Variants in ZSCAN30 observed in about 807,000 individuals in gnomAD.
ZSCAN30 encodes the protein zinc finger and SCAN domain containing 30.
In ZSCAN30, 37 loss-of-function variants were observed where a neutral mutation model predicts 44.3. That is an observed-to-expected ratio of 0.84 (90% CI 0.64 to 1.10). The LOEUF is 1.10. ZSCAN30 is among the 50% of genes least tolerant of loss of function. The probability of loss-of-function intolerance (pLI) is 0.00; values close to 1 mark genes in which losing one functional copy is unlikely to be tolerated. For missense variants in ZSCAN30, 549 were observed against 582.6 expected, an observed-to-expected ratio of 0.94 and a Z score of 0.59; for synonymous variants, 181 against 204.6, an observed-to-expected ratio of 0.88 and a Z score of 0.98.
rs1023821206 is a variant in ZSCAN30 at position 35,252,171 on chromosome 18, T to C, written c.*1279A>G. On this transcript the variant is annotated 3_prime_UTR_variant, in exon 4 of 4. Coordinates refer to ENST00000333206, the MANE Select transcript of ZSCAN30 (RefSeq NM_001112734.4). ...CCTCTTCCTACTTATAATCACTGAG[T>C]TGGGGAGCCTATTCTAGACCCAGAA... 2.0e-5 allele frequency: 3 copies of C among 152,144 alleles called. No homozygotes were observed. Among genetic ancestry groups the C allele is most frequent in the African/African-American group, 4.8e-5 (2 of 41,414 alleles). 9.4% of individuals were successfully genotyped at this position (152,144 alleles called of 1,614,324 possible).
In ZSCAN30 at chr18:35,280,517, C is replaced by A. The variant is rs529924133; in HGVS notation, c.-104+9567G>T. 2.0e-5 allele frequency among the ~76,000 whole-genome samples: 3 copies of A among 152,208 alleles called. No homozygotes were observed. The South Asian group carries it at 6.2e-4, about 31-fold the overall frequency. ...ACTGATAAAAAACAAAGGGAATTAT[C>A]TGACCTGAACTCAACTTTAAAGATC... On this transcript the variant is annotated intron_variant, in intron 1 of 3. Transcript: ENST00000333206.
intron 1 of ZSCAN30, among the ~76,000 whole-genome samples, chr18:35,279,054 A>C (rs1425699988): frequency 6.6e-6 from 1 of 152,148 alleles, no homozygotes; most frequent in African/African-American, 2.4e-5. Context: ...CTATTTCTAC[A>C]GTCTCTTCAA....
intron 1 of ZSCAN30, among the ~76,000 whole-genome samples, chr18:35,277,071 C>G (rs1189031226): frequency 6.6e-6 from 1 of 152,206 alleles, no homozygotes; most frequent in African/African-American, 2.4e-5. Flanking sequence ...GATTTGACTG[C>G]TCCAATGGAT....
At position 35,251,825 on chromosome 18, in the gene ZSCAN30, A is replaced by G. The variant is rs2043608117; in HGVS notation, c.*1625T>C. On this transcript the variant is annotated 3_prime_UTR_variant, in exon 4 of 4. Transcript: ENST00000333206. The stretch of plus-strand genomic sequence containing the variant: ...TTTTTTTTTTAATAAATTACCCAGT[A>G]TCAGGTAGTATCTTCATAGCACTGT... 6.6e-6 allele frequency: 1 copy of G among 151,852 alleles called. No individual in the cohort carries two copies. The highest frequency in any genetic ancestry group is 1.5e-5 in the Non-Finnish European group (1 of 68,006). 9.4% of individuals were successfully genotyped at this position (151,852 alleles called of 1,614,324 possible). A position where few individuals can be genotyped will look rare whatever the true frequency, so the allele number is the denominator to read the frequency against.
chr18:35,253,141 C>A lies in ZSCAN30; in HGVS notation c.*309G>T, dbSNP rs1263315905. On this transcript the variant is annotated 3_prime_UTR_variant, in exon 4 of 4. Coordinates refer to ENST00000333206, the MANE Select transcript of ZSCAN30 (RefSeq NM_001112734.4). ...ATCCTGGCATTACTGTGAAGGTGCC[C>A]AATGGAAATTATATCTGAGTTGGCA... is the stretch of plus-strand genomic sequence containing the variant. 1.8e-5 allele frequency: 4 copies of A among 223,642 alleles called. No individual in the cohort carries two copies. Among genetic ancestry groups the A allele is most frequent in the African/African-American group, 9.1e-5 (4 of 43,968 alleles). The allele number at this position is 223,642 out of a possible 1,614,324, so 13.9% of individuals were successfully genotyped here. A position where few individuals can be genotyped will look rare whatever the true frequency, so the allele number is the denominator to read the frequency against.
intron 1 of ZSCAN30, chr18:35,281,940 G>T (rs995392851): frequency 6.6e-6 from 1 of 151,342 alleles, no homozygotes; most frequent in Admixed American, 6.6e-5. Context: ...GTAAAATACT[G>T]TGAGTACCAC....
intron 1 of ZSCAN30, among the ~76,000 whole-genome samples, chr18:35,287,443 G>C (rs2044570903): frequency 1.3e-5 from 2 of 151,818 alleles, no homozygotes; most frequent in African/African-American, 4.8e-5. Context: ...GGACTAAAGA[G>C]ACAAGTAGAT....
chr18:35,271,629 T>G (rs2044277707), intron 1 of ZSCAN30, among the ~76,000 whole-genome samples: 1 of 152,264 alleles, frequency 6.6e-6, no homozygotes, highest in Non-Finnish European at 1.5e-5. Context: ...CGTAGCTGCC[T>G]GCCAGTCCTG....
At chr18:35,256,311 A>T (rs1208413447) in intron 3 of ZSCAN30, 1 of 152,288 alleles carries the variant, frequency 6.6e-6, no homozygotes, top group Non-Finnish European at 1.5e-5. Flanking sequence ...TAATCCCAGC[A>T]CTTTTGGAGG....
At position 35,252,003 on chromosome 18, in the gene ZSCAN30, A is replaced by G. The variant is rs2043615078; in HGVS notation, c.*1447T>C. 6.6e-6 allele frequency: 1 copy of G among 152,142 alleles called. No individual in the cohort carries two copies. The highest frequency in any genetic ancestry group is 1.5e-5 in the Non-Finnish European group (1 of 68,026). 9.4% of individuals were successfully genotyped at this position (152,142 alleles called of 1,614,324 possible). On this transcript the variant is annotated 3_prime_UTR_variant, in exon 4 of 4. Transcript: ENST00000333206. Reference sequence around the variant, plus strand: ...AAACTGCCAAAATAAAAATTAGCAGAGAGAGTTACAGGCAGAGGTTATAGC... The same window carrying G: ...AAACTGCCAAAATAAAAATTAGCAGGGAGAGTTACAGGCAGAGGTTATAGC...
chr18:35,274,278 C>G (rs2044333964), intron 1 of ZSCAN30, among the ~76,000 whole-genome samples: 1 of 152,040 alleles, frequency 6.6e-6, no homozygotes, highest in African/African-American at 2.4e-5. Flanking sequence ...ACCTCGTGAT[C>G]TGCCCGCCTC....
In ZSCAN30 at chr18:35,263,788, A is replaced by G. The variant is rs2044086724; in HGVS notation, c.409-131T>C. 13 of 1,385,200 alleles carry G rather than the reference A, an allele frequency of 9.4e-6. No homozygotes were observed. In the South Asian group the frequency reaches 1.8e-4, roughly 19 times the overall value. 85.8% of individuals were successfully genotyped at this position (1,385,200 alleles called of 1,614,324 possible). A position where few individuals can be genotyped will look rare whatever the true frequency, so the allele number is the denominator to read the frequency against. ...TAGAGAGAAAAAAAACAGGACCTTA[A>G]GAGCCCTAGTGACTTGAACCCAATG... On this transcript the variant is annotated intron_variant, in intron 2 of 3. Coordinates refer to ENST00000333206, the MANE Select transcript of ZSCAN30 (RefSeq NM_001112734.4).
rs139074390 is a variant in ZSCAN30, at chr18:35,274,041, G to A, written c.-103-9586C>T. On this transcript the variant is annotated intron_variant, in intron 1 of 3. Coordinates refer to ENST00000333206, the MANE Select transcript of ZSCAN30 (RefSeq NM_001112734.4). ...ACTCCTCTTCTTTATTTTTTGAGAC[G>A]GAGTCTTGCTGTTGCTCAGGCTGGA... is the stretch of plus-strand genomic sequence containing the variant. 5.0e-3 allele frequency among the ~76,000 whole-genome samples: 766 copies of A among 151,866 alleles called. 5 individuals are homozygous for A. Among genetic ancestry groups the A allele is most frequent in the South Asian group, 7.7e-3 (37 of 4,794 alleles).
intron 1 of ZSCAN30, among the ~76,000 whole-genome samples, chr18:35,271,147 G>A (rs114036828): frequency 0.012 from 1,814 of 152,232 alleles, 44 homozygotes; most frequent in African/African-American, 0.041. Flanking sequence ...AAAACCCTCC[G>A]CACTGTGGAA....
Position 35,253,400 on chromosome 18 carries a change from C to A in ZSCAN30, c.*50G>T. ...TTTTCTTTTCTGTGGAGTCTCACCC[C>A]TACAGTGAACTCCTTGCATTTCACA... On this transcript the variant is annotated 3_prime_UTR_variant, in exon 4 of 4. Transcript: ENST00000333206. 1 of 1,481,880 alleles carries A rather than the reference C, an allele frequency of 6.7e-7. No individual in the cohort carries two copies. Among genetic ancestry groups the A allele is most frequent in the South Asian group, 1.4e-5 (1 of 72,756 alleles). The allele number at this position is 1,481,880 out of a possible 1,614,324, so 91.8% of individuals were successfully genotyped here.
At chr18:35,278,595 G>A (rs910184539) in intron 1 of ZSCAN30, among the ~76,000 whole-genome samples, 2 of 152,164 alleles carry the variant, frequency 1.3e-5, no homozygotes, top group African/African-American at 4.8e-5. Context: ...GTTTGTCCCA[G>A]TGCTGTCTCC....
rs760928067 is a variant in ZSCAN30 at position 35,254,071 on chromosome 18, A to G, written c.864T>C (p.Asp288=). ...SEGSFSMNSN[D]ITQQSVDTRE... Reference sequence around the variant, plus strand: ...TAGTGTCAACGCTCTGTTGTGTAATATCATTTGAATTCATACTGAAACTTC... The same window carrying G: ...TAGTGTCAACGCTCTGTTGTGTAATGTCATTTGAATTCATACTGAAACTTC... The change falls in exon 4 of 4, where the codon GAT becomes GAC. Residue 288 remains aspartate (D), a synonymous_variant. Coordinates refer to ENST00000333206, the MANE Select transcript of ZSCAN30 (RefSeq NM_001112734.4). 5 of 1,614,150 alleles carry G rather than the reference A, an allele frequency of 3.1e-6. No individual in the cohort carries two copies. The highest frequency in any genetic ancestry group is 3.3e-5 in the Admixed American group (2 of 59,996).
chr18:35,287,574 CAAAAAAA>C (rs59300208), intron 1 of ZSCAN30, among the ~76,000 whole-genome samples: 28 of 94,676 alleles, frequency 3.0e-4, no homozygotes, highest in African/African-American at 1.1e-3. Context: ...ATCCACATAC[CAAAAAAA>C]AAAAAAAAAA....
intron 1 of ZSCAN30, chr18:35,267,335 G>C (rs1476991054): frequency 6.6e-6 from 1 of 152,326 alleles, no homozygotes; most frequent in African/African-American, 2.4e-5. Flanking sequence ...ACTGACCGAC[G>C]GAGAGGCGGG....
Sources: gnomAD v4.1 joint callset for allele counts (sites outside exome capture counted in the v4.1 genomes callset) on GRCh38, gnomAD v4.1.1 for gene constraint, MANE v1.5 for transcripts, NCBI Gene and HGNC (gene_info 2026-07-23, HGNC 2026-07-21) for gene names.